The following SLC9A7 variants were observed in gnomAD, a reference collection of about 807,000 sequenced individuals.
SLC9A7 encodes the protein solute carrier family 9 member A7.
In SLC9A7, 19 loss-of-function variants were observed where a neutral mutation model predicts 52.6. The observed-to-expected ratio is 0.36, with a 90% CI of 0.25 to 0.53. The LOEUF (loss-of-function observed/expected upper bound fraction) is 0.53. SLC9A7 is among the 20% of genes least tolerant of loss of function. The pLI is 0.91. For missense variants in SLC9A7, 455 were observed against 597.9 expected, an observed-to-expected ratio of 0.76 and a Z score of 2.49; for synonymous variants, 226 against 252.1, an observed-to-expected ratio of 0.90 and a Z score of 0.98.
At chrX:46,719,363 C>T (rs1195608446) in intron 1 of SLC9A7, among the ~76,000 whole-genome samples, 2 of 109,583 alleles carry the variant, frequency 1.8e-5, no homozygotes, top group East Asian at 2.9e-4. Flanking sequence ...TTAATGGGTG[C>T]GGCACACCAA....
chrX:46,684,795 T>C, intron 1 of SLC9A7: 1 of 132,479 alleles, frequency 7.5e-6, no homozygotes, highest in Non-Finnish European at 1.6e-5. Context: ...TTCCTAGCTG[T>C]CAGTCTCTTT....
intron 14 of SLC9A7, among the ~76,000 whole-genome samples, chrX:46,625,332 C>T (rs1943108710): frequency 9.1e-6 from 1 of 109,423 alleles, no homozygotes; most frequent in Non-Finnish European, 1.9e-5. Context: ...TCCCTGGATC[C>T]TGTTACACTA....
intron 1 of SLC9A7, among the ~76,000 whole-genome samples, chrX:46,714,851 T>C (rs1210210561): frequency 1.8e-5 from 2 of 111,366 alleles, no homozygotes; most frequent in Admixed American, 9.6e-5. Context: ...GAGTAGAGGA[T>C]TGTGAGTTTA....
intron 7 of SLC9A7, among the ~76,000 whole-genome samples, chrX:46,656,747 TG>T (rs1181303812): frequency 1.1e-3 from 124 of 111,557 alleles, no homozygotes; most frequent in Non-Finnish European, 2.0e-3. Flanking sequence ...TACATCTGAT[TG>T]GTGTACCTGA....
intron 16 of SLC9A7, 76 bp downstream of exon 16, chrX:46,613,213 G>T: frequency 1.4e-6 from 1 of 711,715 alleles, no homozygotes; most frequent in Non-Finnish European, 2.0e-6. Context: ...GCATGAGTAT[G>T]ATGGTTTCTT....
chrX:46,723,539 G>T (rs1944897073), intron 1 of SLC9A7, among the ~76,000 whole-genome samples: 1 of 110,471 alleles, frequency 9.1e-6, no homozygotes, highest in Non-Finnish European at 1.9e-5. Context: ...CCAAGAGGAG[G>T]GGGAAATACA....
At chrX:46,710,111 C>T (rs746032952) in intron 1 of SLC9A7, among the ~76,000 whole-genome samples, 4 of 112,185 alleles carry the variant, frequency 3.6e-5, no homozygotes, top group Non-Finnish European at 7.5e-5. Context: ...AAAGGAGTGA[C>T]TTTTAGGACT....
chrX:46,666,224 AG>A (rs1413336970), intron 5 of SLC9A7, among the ~76,000 whole-genome samples: 1 of 111,735 alleles, frequency 8.9e-6, no homozygotes, highest in Non-Finnish European at 1.9e-5. Context: ...GTCTTGCCTC[AG>A]CCCCCCGAGT....
intron 1 of SLC9A7, chrX:46,684,742 T>C: frequency 8.6e-6 from 1 of 116,272 alleles, no homozygotes; most frequent in Non-Finnish European, 1.8e-5. Flanking sequence ...AATGGTTGGC[T>C]GGCATTTACT....
At chrX:46,700,520 C>T (rs896348983) in intron 1 of SLC9A7, among the ~76,000 whole-genome samples, 1 of 111,859 alleles carries the variant, frequency 8.9e-6, no homozygotes. Flanking sequence ...GAGCTTCTGC[C>T]GGGGACTCTC....
chrX:46,699,320 G>A (rs149043584), intron 1 of SLC9A7, among the ~76,000 whole-genome samples: 20 of 111,741 alleles, frequency 1.8e-4, no homozygotes, highest in South Asian at 1.1e-3. Context: ...ACTTGCCATC[G>A]TTGCTGTGCT....
intron 12 of SLC9A7, among the ~76,000 whole-genome samples, chrX:46,638,435 A>C (rs1160120891): frequency 8.9e-6 from 1 of 112,323 alleles, no homozygotes; most frequent in Non-Finnish European, 1.9e-5. Context: ...AATTAGAAAA[A>C]CAATACAGAA....
intron 7 of SLC9A7, among the ~76,000 whole-genome samples, chrX:46,661,788 G>A (rs778208517): frequency 1.8e-5 from 2 of 111,909 alleles, no homozygotes; most frequent in Non-Finnish European, 3.8e-5. Flanking sequence ...CAGCAAAGGT[G>A]AAGACAGAGC....
rs749140027 is a variant in SLC9A7, at chrX:46,733,670, G to A, written c.325+25035C>T. Among the ~76,000 whole-genome samples the A allele has an allele frequency of 5.3e-5, 4 of 75,222 alleles. No homozygotes were observed. In the South Asian group the frequency reaches 2.4e-3, roughly 44 times the overall value. The allele number at this position is 75,222 out of a possible 115,157, so 65.3% of individuals were successfully genotyped here. ...TCAATATTTTACTGGAATTAAATTAGCATCACACTAAAGTAGATTAAGTTA... is the reference window on the plus strand; with the variant it reads ...TCAATATTTTACTGGAATTAAATTAACATCACACTAAAGTAGATTAAGTTA... On this transcript the variant is annotated intron_variant, in intron 1 of 16. Coordinates refer to ENST00000616978, the MANE Select transcript of SLC9A7 (RefSeq NM_001257291.2).
At chrX:46,652,386 A>G (rs1226948872) in intron 8 of SLC9A7, among the ~76,000 whole-genome samples, 3 of 107,274 alleles carry the variant, frequency 2.8e-5, no homozygotes, top group African/African-American at 6.8e-5. Context: ...TCCTGAGCTC[A>G]AGGGATCCAC....
At chrX:46,649,070 A>ATATCTATCTATCTATCTATCTATC (rs60152703) in intron 10 of SLC9A7, among the ~76,000 whole-genome samples, 3,184 of 105,365 alleles carry the variant, frequency 0.03, 56 homozygotes, top group Non-Finnish European at 0.044. Context: ...AATTCAACTG[A>ATATCTATCTATCTATCTATCTATC]TATCTATCTA....
chrX:46,615,358 G>A (rs769017035), intron 15 of SLC9A7, among the ~76,000 whole-genome samples: 44 of 111,602 alleles, frequency 3.9e-4, no homozygotes, highest in African/African-American at 1.4e-3. Context: ...CTTTATACGC[G>A]GAACCAGCTC....
At chrX:46,746,256 G>A (rs1050692101) in intron 1 of SLC9A7, among the ~76,000 whole-genome samples, 2 of 111,056 alleles carry the variant, frequency 1.8e-5, no homozygotes, top group Non-Finnish European at 3.8e-5. Context: ...TTGAACCCGG[G>A]AGGCAGAGGT....
At chrX:46,691,173 CTG>C (rs66832551) in intron 1 of SLC9A7, among the ~76,000 whole-genome samples, 25,311 of 111,033 alleles carry the variant, frequency 0.23, 2,350 homozygotes, top group South Asian at 0.39. Context: ...AATTTTATTG[CTG>C]TGTTTTGGGA....
Sources: gnomAD v4.1 joint callset for allele counts (sites outside exome capture counted in the v4.1 genomes callset) on GRCh38, gnomAD v4.1.1 for gene constraint, MANE v1.5 for transcripts, NCBI Gene and HGNC (gene_info 2026-07-23, HGNC 2026-07-21) for gene names.